SLC20A2: variants seen among roughly 807,000 people sequenced by gnomAD.
SLC20A2 encodes the protein sodium-dependent phosphate transporter 2.
A neutral mutation model predicts 61.0 loss-of-function variants in SLC20A2; 30 were observed. That is an observed-to-expected ratio of 0.49 (90% CI 0.37 to 0.67). The LOEUF is 0.67. SLC20A2 is among the 30% of genes least tolerant of loss of function. SLC20A2 has a pLI of 0.00. For synonymous variants in SLC20A2, 351 were observed against 353.3 expected, an observed-to-expected ratio of 0.99 and a Z score of 0.07; for missense variants, 626 against 866.4, an observed-to-expected ratio of 0.72 and a Z score of 3.48.
intron 1 of SLC20A2, among the ~76,000 whole-genome samples, chr8:42,535,610 T>G (rs1383031504): frequency 6.6e-6 from 1 of 152,212 alleles, no homozygotes; most frequent in Non-Finnish European, 1.5e-5. Flanking sequence ...GTAAACTTCT[T>G]CCAGCCATAG....
At position 42,476,987 on chromosome 8, in the gene SLC20A2, C is replaced by T. The variant is rs193237298; in HGVS notation, c.-264-4333G>A. On this transcript the variant is annotated intron_variant, in intron 1 of 10. Coordinates refer to ENST00000520262, the MANE Select transcript of SLC20A2 (RefSeq NM_001257180.2). The stretch of plus-strand genomic sequence containing the variant: ...TGCCTCGCCACTGGTTACATGTAAA[C>T]GCAAAGGCCAAAGCTCAATGCCAGC... Among the ~76,000 whole-genome samples, 389 of 152,284 alleles carry T rather than the reference C, an allele frequency of 2.6e-3. 1 individual carries two copies. Among genetic ancestry groups the T allele is most frequent in the African/African-American group, 7.5e-3 (313 of 41,556 alleles).
At chr8:42,442,242 CT>C (rs1458595929) in intron 6 of SLC20A2, among the ~76,000 whole-genome samples, 5 of 152,162 alleles carry the variant, frequency 3.3e-5, no homozygotes, top group Admixed American at 6.5e-5. Context: ...CCAACTTGTT[CT>C]TTTATAGAAC....
Position 42,463,100 on chromosome 8 carries a change from TAA to T in SLC20A2, c.431-12_431-11del. The T allele has an allele frequency of 1.4e-6, 2 of 1,435,994 alleles. No homozygotes were observed. The highest frequency in any genetic ancestry group is 1.9e-6 in the Non-Finnish European group (2 of 1,053,076). 89.0% of individuals were successfully genotyped at this position (1,435,994 alleles called of 1,614,324 possible). On this transcript the variant is annotated splice_polypyrimidine_tract_variant and intron_variant, in intron 3 of 10. Coordinates refer to ENST00000520262, the MANE Select transcript of SLC20A2 (RefSeq NM_001257180.2). ...ATAAACCAAGAAGCAACTGAATAAT[TAA>T]AAAAAAAATCTAATGAATGTTAAAA...
chr8:42,537,636 A>AC (rs1812792993), intron 1 of SLC20A2: 1 of 152,226 alleles, frequency 6.6e-6, no homozygotes, highest in African/African-American at 2.4e-5. Context: ...TTCAGTATCT[A>AC]TAAAAAATCA....
chr8:42,525,881 A>G (rs1811901331), intron 1 of SLC20A2, among the ~76,000 whole-genome samples: 2 of 152,246 alleles, frequency 1.3e-5, no homozygotes. Context: ...GAACAATCTG[A>G]GCAATAAATA....
At chr8:42,491,620 G>A (rs951686525) in intron 1 of SLC20A2, among the ~76,000 whole-genome samples, 8 of 151,456 alleles carry the variant, frequency 5.3e-5, no homozygotes, top group Non-Finnish European at 8.8e-5. Context: ...GCAGTGAGCC[G>A]AGATCGCACC....
At chr8:42,439,802 T>G in intron 6 of SLC20A2, 149 bp from the exon 7 acceptor site, 1 of 645,988 alleles carries the variant, frequency 1.5e-6, no homozygotes, top group Non-Finnish European at 2.6e-6. Context: ...AAAATGAAGT[T>G]GAGGCCAGGT....
At chr8:42,487,343 A>G (rs991528836) in intron 1 of SLC20A2, among the ~76,000 whole-genome samples, 2 of 149,572 alleles carry the variant, frequency 1.3e-5, no homozygotes, top group African/African-American at 4.9e-5. Flanking sequence ...ACACCTGGCT[A>G]ATTTTTTGTG....
intron 1 of SLC20A2, among the ~76,000 whole-genome samples, chr8:42,496,584 C>T (rs2272685): frequency 0.32 from 49,387 of 152,102 alleles, 8,840 homozygotes; most frequent in East Asian, 0.41. Context: ...CTTAGCCATT[C>T]CAATGGAATT....
intron 8 of SLC20A2, among the ~76,000 whole-genome samples, chr8:42,434,218 C>T (rs1804069147): frequency 6.6e-6 from 1 of 152,004 alleles, no homozygotes; most frequent in African/African-American, 2.4e-5. Context: ...TCCTGAGTAG[C>T]TGGGACCACA....
chr8:42,439,873 T>A (rs1804634698), intron 6 of SLC20A2, among the ~76,000 whole-genome samples: 1 of 151,830 alleles, frequency 6.6e-6, no homozygotes, highest in Non-Finnish European at 1.5e-5. Flanking sequence ...GATCACCAGG[T>A]CAGGAGTTTG....
chr8:42,469,220 C>T (rs1279536249), intron 2 of SLC20A2, among the ~76,000 whole-genome samples: 1 of 152,028 alleles, frequency 6.6e-6, no homozygotes, highest in Non-Finnish European at 1.5e-5. Context: ...GTAATTACAC[C>T]ACCATCTTAA....
chr8:42,505,215 C>T (rs1347847679), upstream of SLC20A2, among the ~76,000 whole-genome samples: 1 of 151,886 alleles, frequency 6.6e-6, no homozygotes, highest in African/African-American at 2.4e-5. Context: ...CTCAAGCGAT[C>T]CTCCCACCTT....
At chr8:42,496,747 C>G (rs1809957006) in intron 1 of SLC20A2, among the ~76,000 whole-genome samples, 1 of 152,208 alleles carries the variant, frequency 6.6e-6, no homozygotes, top group Admixed American at 6.5e-5. Flanking sequence ...TTCGTTAGGG[C>G]CTTCTATGTT....
At chr8:42,511,819 T>TA (rs1159805241) in intron 1 of SLC20A2, among the ~76,000 whole-genome samples, 1 of 151,830 alleles carries the variant, frequency 6.6e-6, no homozygotes, top group African/African-American at 2.4e-5. Flanking sequence ...TAAAAAGTAC[T>TA]AAAAAAATGA....
intron 5 of SLC20A2, among the ~76,000 whole-genome samples, chr8:42,454,318 G>A (rs373335704): frequency 9.9e-5 from 15 of 152,056 alleles, no homozygotes; most frequent in African/African-American, 3.6e-4. Flanking sequence ...TGGTATCTAC[G>A]GAGGTCCTAC....
chr8:42,434,923 C>G (rs547023009), intron 8 of SLC20A2, among the ~76,000 whole-genome samples: 1 of 151,788 alleles, frequency 6.6e-6, no homozygotes, highest in Non-Finnish European at 1.5e-5. Flanking sequence ...AGTGTGTGTG[C>G]GTGTGTGTGT....
intron 5 of SLC20A2, among the ~76,000 whole-genome samples, chr8:42,453,553 G>A (rs143174563): frequency 3.5e-4 from 54 of 152,204 alleles, no homozygotes; most frequent in African/African-American, 7.5e-4. Flanking sequence ...AGCTGGACTC[G>A]CAGAGATACC....
intron 3 of SLC20A2, among the ~76,000 whole-genome samples, 182 bp downstream of exon 3, chr8:42,465,595 G>A (rs975703409): frequency 1.3e-5 from 2 of 151,516 alleles, no homozygotes; most frequent in African/African-American, 4.9e-5. Flanking sequence ...GGAGGTTGAG[G>A]CAGGAGAATG....
Sources: gnomAD v4.1 joint callset for allele counts (sites outside exome capture counted in the v4.1 genomes callset) on GRCh38, gnomAD v4.1.1 for gene constraint, MANE v1.5 for transcripts, NCBI Gene and HGNC (gene_info 2026-07-23, HGNC 2026-07-21) for gene names.